XKR6: variants seen among roughly 807,000 people sequenced by gnomAD.
XKR6 encodes the protein XK related 6, also known as XK-related protein 6.
A neutral mutation model predicts 56.7 loss-of-function variants in XKR6; 22 were observed. The ratio of observed to expected loss-of-function variants is 0.39; its 90% CI spans 0.28 to 0.55. The LOEUF (loss-of-function observed/expected upper bound fraction) is 0.55. Among genes scored for constraint, XKR6 ranks in the 20% least tolerant of loss-of-function variants. XKR6 has a pLI of 0.66. For synonymous variants in XKR6, 524 were observed against 387.8 expected (o/e 1.35, Z -4.13); for missense variants, 852 against 889.0 (o/e 0.96, Z 0.53).
At chr8:11,002,386 A>C (rs762177283) in intron 1 of XKR6, 5 of 350,090 alleles carry the variant, frequency 1.4e-5, no homozygotes, top group South Asian at 1.2e-4. Context: ...GCCAGCACTC[A>C]CCCAGCAGTT....
chr8:11,129,748 G>C (rs1434134187), intron 1 of XKR6, among the ~76,000 whole-genome samples: 1 of 152,102 alleles, frequency 6.6e-6, no homozygotes, highest in East Asian at 1.9e-4. Flanking sequence ...AATCGATGTG[G>C]GAAGGAGGAC....
intron 1 of XKR6, among the ~76,000 whole-genome samples, chr8:11,160,999 T>C (rs1801778468): frequency 6.6e-6 from 1 of 151,934 alleles, no homozygotes; most frequent in Non-Finnish European, 1.5e-5. Flanking sequence ...GTGGCTCCTG[T>C]ACTGGTTGTG....
At chr8:11,163,934 A>G (rs1213345172) in intron 1 of XKR6, among the ~76,000 whole-genome samples, 1 of 152,134 alleles carries the variant, frequency 6.6e-6, no homozygotes, top group East Asian at 1.9e-4. Flanking sequence ...AAAAGTAGAG[A>G]GAGACATCAC....
intron 1 of XKR6, among the ~76,000 whole-genome samples, chr8:11,070,936 G>C (rs78223440): frequency 0.013 from 1,942 of 152,264 alleles, 42 homozygotes; most frequent in African/African-American, 0.045. Context: ...ATCAAGGAAT[G>C]AATGAACAAA....
In XKR6 at chr8:10,896,934, A is replaced by AT. The variant is rs1799899205; in HGVS notation, c.*1017dup. The AT allele has an allele frequency of 6.6e-6, 1 of 152,654 alleles. No individual in the cohort carries two copies. Among genetic ancestry groups the AT allele is most frequent in the Non-Finnish European group, 1.5e-5 (1 of 68,050 alleles). 9.5% of individuals were successfully genotyped at this position (152,654 alleles called of 1,614,324 possible). ...AACTAATCGTTGTTGCCAGTCACTGATTAAGTATTGTGCCTTTAAACTGAT... is the reference window on the plus strand; with the variant it reads ...AACTAATCGTTGTTGCCAGTCACTGATTTAAGTATTGTGCCTTTAAACTGAT... On this transcript the variant is annotated 3_prime_UTR_variant, in exon 3 of 3. Transcript: ENST00000416569.
chr8:11,108,000 G>A, intron 1 of XKR6: 1 of 323,588 alleles, frequency 3.1e-6, no homozygotes. Flanking sequence ...AGTTTCTTCA[G>A]GCTGCTTCAT....
At chr8:11,068,011 G>C (rs539736414) in intron 1 of XKR6, among the ~76,000 whole-genome samples, 13 of 152,364 alleles carry the variant, frequency 8.5e-5, no homozygotes, top group African/African-American at 2.4e-4. Flanking sequence ...GCTAGATTCT[G>C]AGCTCCCTGG....
At chr8:11,154,452 ATGGCTTCCTT>A (rs1041720858) in intron 1 of XKR6, among the ~76,000 whole-genome samples, 1 of 152,234 alleles carries the variant, frequency 6.6e-6, no homozygotes, top group Non-Finnish European at 1.5e-5. Flanking sequence ...ACTCTGCCCC[ATGGCTTCCTT>A]TGGCTTCCTT....
intron 1 of XKR6, among the ~76,000 whole-genome samples, chr8:11,190,244 AGAAAAGAAAAGAAAGGAAAG>A (rs887901616): frequency 1.3e-5 from 2 of 151,588 alleles, no homozygotes; most frequent in Admixed American, 6.6e-5. Context: ...AAAAGAAAAA[AGAAAAGAAAAGAAAGGAAAG>A]GAAAAGAAAA....
intron 1 of XKR6, chr8:11,104,724 T>C (rs992445212): frequency 6.6e-6 from 1 of 152,244 alleles, no homozygotes; most frequent in Admixed American, 6.5e-5. Flanking sequence ...TCAATTAGTT[T>C]TTTTGCAGAT....
intron 1 of XKR6, among the ~76,000 whole-genome samples, chr8:11,130,755 G>A (rs537500405): frequency 2.6e-5 from 4 of 152,012 alleles, no homozygotes; most frequent in East Asian, 1.9e-4. Context: ...TAAGAAGTAC[G>A]ACAGATGCCA....
chr8:11,153,673 C>G (rs1749501156), intron 1 of XKR6, among the ~76,000 whole-genome samples: 2 of 152,166 alleles, frequency 1.3e-5, no homozygotes, highest in Admixed American at 6.5e-5. Context: ...GTGGTAGCAG[C>G]AGTAATCCTC....
rs553176139 is a variant in XKR6 at position 10,959,059 on chromosome 8, C to G, written c.765-34229G>C. On this transcript the variant is annotated intron_variant, in intron 1 of 2. Transcript: ENST00000416569. ...GTAACCAGAGTGTGACGCTGACACT[C>G]TGAGTTGCGACCACCTCTCCTGGGT... Among the ~76,000 whole-genome samples, 56 of 152,346 alleles carry G rather than the reference C, an allele frequency of 3.7e-4. No individual in the cohort carries two copies. In the South Asian group the frequency reaches 8.5e-3, roughly 23 times the overall value.
intron 1 of XKR6, among the ~76,000 whole-genome samples, chr8:11,145,010 GGAAGGGAAA>G (rs921867411): frequency 7.1e-6 from 1 of 140,084 alleles, no homozygotes; most frequent in African/African-American, 2.8e-5. Flanking sequence ...AAGGGAGGGA[GGAAGGGAAA>G]GAAGGGAGAA....
At chr8:11,003,826 G>A (rs1798301164) in intron 1 of XKR6, among the ~76,000 whole-genome samples, 1 of 152,242 alleles carries the variant, frequency 6.6e-6, no homozygotes, top group Non-Finnish European at 1.5e-5. Context: ...AGAGAAGGGT[G>A]TGGTTAATTC....
intron 1 of XKR6, among the ~76,000 whole-genome samples, chr8:11,096,967 T>A (rs1798281034): frequency 6.6e-6 from 1 of 152,330 alleles, no homozygotes; most frequent in Non-Finnish European, 1.5e-5. Context: ...GATTTGCACA[T>A]CCTTTGTACC....
chr8:10,950,145 G>T (rs1185005992), intron 1 of XKR6, among the ~76,000 whole-genome samples: 1 of 152,164 alleles, frequency 6.6e-6, no homozygotes, highest in Non-Finnish European at 1.5e-5. Flanking sequence ...CAGAGAGGGA[G>T]GGGCAGCTTC....
rs1803362491 is a variant in XKR6 at position 11,187,960 on chromosome 8, T to G, written c.764+12616A>C. Among the ~76,000 whole-genome samples the G allele has an allele frequency of 2.0e-5, 3 of 152,370 alleles. No homozygotes were observed. In the South Asian group the frequency reaches 6.2e-4, roughly 32 times the overall value. ...AGCCTCCCTGTATTTTTACTTCAACTGTCATTGCTTTTGTTAAAGTTCCAC... is the reference window on the plus strand; with the variant it reads ...AGCCTCCCTGTATTTTTACTTCAACGGTCATTGCTTTTGTTAAAGTTCCAC... On this transcript the variant is annotated intron_variant, in intron 1 of 2. Transcript: ENST00000416569.
chr8:11,101,063 A>T (rs913671149), intron 1 of XKR6, among the ~76,000 whole-genome samples: 1 of 152,222 alleles, frequency 6.6e-6, no homozygotes, highest in African/African-American at 2.4e-5. Context: ...CGCTTTGAAA[A>T]GCATACACAC....
Sources: gnomAD v4.1 joint callset for allele counts (sites outside exome capture counted in the v4.1 genomes callset) on GRCh38, gnomAD v4.1.1 for gene constraint, MANE v1.5 for transcripts, NCBI Gene and HGNC (gene_info 2026-07-23, HGNC 2026-07-21) for gene names.